GTF2IRD2: variants seen among roughly 807,000 people sequenced by gnomAD.
The protein encoded by GTF2IRD2 is GTF2I repeat domain containing 2.
In GTF2IRD2, 8 loss-of-function variants were observed where a neutral mutation model predicts 49.2. The ratio of observed to expected loss-of-function variants is 0.16; its 90% CI spans 0.10 to 0.29. GTF2IRD2 has a LOEUF of 0.29. Among genes scored for constraint, GTF2IRD2 ranks in the 10% least tolerant of loss-of-function variants. The pLI, the probability that GTF2IRD2 is intolerant of heterozygous loss-of-function variation, is 1.00. For synonymous variants in GTF2IRD2, 47 were observed against 289.7 expected, an observed-to-expected ratio of 0.16 and a Z score of 8.51; for missense variants, 130 against 725.7, an observed-to-expected ratio of 0.18 and a Z score of 9.43.
At chr7:74,824,224 T>C (rs1799175984) in intron 4 of GTF2IRD2, among the ~76,000 whole-genome samples, 2 of 118,572 alleles carry the variant, frequency 1.7e-5, no homozygotes, top group South Asian at 6.0e-4. Flanking sequence ...ATCTCAGCAT[T>C]TTGGGAGGTC....
At chr7:74,819,891 G>GT (rs1256464697) in intron 7 of GTF2IRD2, 78 bp downstream of exon 7, 1 of 1,507,738 alleles carries the variant, frequency 6.6e-7, no homozygotes, top group Non-Finnish European at 9.2e-7. Flanking sequence ...CTTAAATGCT[G>GT]TAAGGAGGCC....
intron 3 of GTF2IRD2, among the ~76,000 whole-genome samples, chr7:74,825,516 G>A (rs1799296086): frequency 7.6e-6 from 1 of 131,964 alleles, no homozygotes; most frequent in African/African-American, 2.8e-5. Context: ...CAAAGTGTTG[G>A]GATTACAGGT....
chr7:74,819,152 T>C (rs1335778919), intron 8 of GTF2IRD2: 1 of 287,706 alleles, frequency 3.5e-6, no homozygotes, highest in African/African-American at 2.3e-5. Flanking sequence ...CTTGAACTCC[T>C]GAGCTCAGGC....
chr7:74,796,915 T>C lies in GTF2IRD2; in HGVS notation c.2597A>G (p.Gln866Arg). The C allele has an allele frequency of 1.5e-6, 1 of 646,792 alleles. No homozygotes were observed. The highest frequency in any genetic ancestry group is 2.8e-6 in the Non-Finnish European group (1 of 358,150). 40.1% of individuals were successfully genotyped at this position (646,792 alleles called of 1,614,324 possible). A position where few individuals can be genotyped will look rare whatever the true frequency, so the allele number is the denominator to read the frequency against. Residue 866 changes from glutamine (Q) to arginine (R), a missense_variant, in exon 16 of 16, where the codon CAG becomes CGG. Physicochemically the swap from Gln to Arg is conservative, Grantham distance 43. Transcript: ENST00000451013. Reference sequence around the variant, plus strand: ...GCATTGCAGGTCGATAACCTCCATCTGGAGCTCCTCGTGCACACTGTCGAT... The same window carrying C: ...GCATTGCAGGTCGATAACCTCCATCCGGAGCTCCTCGTGCACACTGTCGAT... ...TKIDSVHEEL[Q>R]MEVIDLQCNT...
At chr7:74,815,781 GGAAA>G (rs1238764003) in intron 8 of GTF2IRD2, among the ~76,000 whole-genome samples, 9 of 14,486 alleles carry the variant, frequency 6.2e-4, no homozygotes, top group African/African-American at 2.7e-3. Flanking sequence ...AAAGAAAGAA[GGAAA>G]GAAAGAAAGA....
At chr7:74,826,065 G>C (rs1321882009) in intron 3 of GTF2IRD2, among the ~76,000 whole-genome samples, 4 of 151,840 alleles carry the variant, frequency 2.6e-5, no homozygotes, top group South Asian at 2.1e-4. Context: ...GATTACAGGC[G>C]TGAGCCACCA....
intron 1 of GTF2IRD2, among the ~76,000 whole-genome samples, chr7:74,840,674 G>A (rs1410973088): frequency 7.7e-6 from 1 of 129,902 alleles, no homozygotes; most frequent in Non-Finnish European, 1.6e-5. Context: ...CCATCAGGAG[G>A]TGGCATTAAT....
chr7:74,830,619 C>CA (rs1799765391), intron 3 of GTF2IRD2, among the ~76,000 whole-genome samples: 1 of 145,716 alleles, frequency 6.9e-6, no homozygotes, highest in African/African-American at 2.5e-5. Flanking sequence ...AATGCAGGGA[C>CA]AGAAAACCAA....
At chr7:74,842,699 C>G (rs1233365274) in intron 1 of GTF2IRD2, among the ~76,000 whole-genome samples, 1 of 144,652 alleles carries the variant, frequency 6.9e-6, no homozygotes, top group Non-Finnish European at 1.5e-5. Flanking sequence ...GCTAAGATGA[C>G]AGGCATGTGC....
chr7:74,825,593 C>T (rs1554419418), intron 3 of GTF2IRD2, among the ~76,000 whole-genome samples: 4 of 142,302 alleles, frequency 2.8e-5, no homozygotes, highest in East Asian at 2.1e-4. Flanking sequence ...ACAGTTGAAA[C>T]GTGGCAATAA....
intron 15 of GTF2IRD2, among the ~76,000 whole-genome samples, chr7:74,798,527 G>T (rs1797207619): frequency 6.6e-6 from 1 of 151,626 alleles, no homozygotes; most frequent in African/African-American, 2.4e-5. Flanking sequence ...CGTTGTTGTT[G>T]AGACGGAGTT....
rs1798877862 is a variant in GTF2IRD2 at position 74,821,547 on chromosome 7, TA to T, written c.571+879del. ...GCAGTCTCAGCAAGACATCTTCTTTTATTCTTCTTTATTTATTTATTTTTGA... is the reference window on the plus strand; with the variant it reads ...GCAGTCTCAGCAAGACATCTTCTTTTTTCTTCTTTATTTATTTATTTTTGA... On this transcript the variant is annotated intron_variant, in intron 6 of 15. Transcript: ENST00000451013. 2 of 10,812 alleles carry T rather than the reference TA, an allele frequency of 1.8e-4. 1 individual carries two copies. Among genetic ancestry groups the T allele is most frequent in the Non-Finnish European group, 2.6e-4 (2 of 7,682 alleles). 0.7% of individuals were successfully genotyped at this position (10,812 alleles called of 1,614,324 possible).
At chr7:74,831,474 C>T (rs1799849821) in intron 3 of GTF2IRD2, among the ~76,000 whole-genome samples, 1 of 147,202 alleles carries the variant, frequency 6.8e-6, no homozygotes, top group Non-Finnish European at 1.5e-5. Flanking sequence ...ATACCCTCTG[C>T]CAATCCATAG....
rs587717136 is a variant in GTF2IRD2, at chr7:74,810,836, A to G, written c.805+60T>C. ...AAAAAAAGTATGTTCTTTGTAAAAT[A>G]CTATAAACTTCTATAAACTTTTCTT... On this transcript the variant is annotated intron_variant, in intron 10 of 15. Coordinates refer to ENST00000451013, the MANE Select transcript of GTF2IRD2 (RefSeq NM_173537.5). The G allele has an allele frequency of 4.1e-4, 186 of 454,322 alleles. 21 individuals carry two copies. The highest frequency in any genetic ancestry group is 3.3e-3 in the African/African-American group (170 of 51,348). The allele number at this position is 454,322 out of a possible 1,614,324, so 28.1% of individuals were successfully genotyped here. A position where few individuals can be genotyped will look rare whatever the true frequency, so the allele number is the denominator to read the frequency against.
rs1289466714 is a variant in GTF2IRD2 at position 74,841,154 on chromosome 7, T to TTA, written c.-5-4773_-5-4772dup. On this transcript the variant is annotated intron_variant, in intron 1 of 15. Transcript: ENST00000451013. The stretch of plus-strand genomic sequence containing the variant: ...GTGAGCCACCATGCCCAGCCTTATT[T>TTA]TATATATATATATGTATTGGTTTTT... Among the ~76,000 whole-genome samples the TTA allele has an allele frequency of 6.5e-3, 926 of 141,976 alleles. 60 individuals are homozygous for TTA. Among genetic ancestry groups the TTA allele is most frequent in the Non-Finnish European group, 8.8e-3 (585 of 66,336 alleles). 93.1% of individuals were successfully genotyped at this position (141,976 alleles called of 152,430 possible).
chr7:74,819,824 C>CA, intron 7 of GTF2IRD2, 145 bp downstream of exon 7: 5 of 917,942 alleles, frequency 5.4e-6, no homozygotes, highest in Non-Finnish European at 8.5e-6. Flanking sequence ...TCCTTTTGGA[C>CA]AAAGAATAGG....
chr7:74,830,559 T>A (rs1554420278), intron 3 of GTF2IRD2, among the ~76,000 whole-genome samples: 1 of 146,044 alleles, frequency 6.8e-6, no homozygotes, highest in Non-Finnish European at 1.5e-5. Flanking sequence ...AGAAATCATA[T>A]CCTTTGCAGC....
chr7:74,840,042 A>C (rs1205808031), intron 1 of GTF2IRD2, among the ~76,000 whole-genome samples: 1 of 141,358 alleles, frequency 7.1e-6, no homozygotes, highest in East Asian at 2.1e-4. Context: ...CCCAAGGGGC[A>C]CCCCTGGTGA....
chr7:74,833,286 T>C (rs1800014566), intron 2 of GTF2IRD2, among the ~76,000 whole-genome samples: 1 of 113,464 alleles, frequency 8.8e-6, no homozygotes, highest in Non-Finnish European at 1.8e-5. Context: ...TTTCACCGTG[T>C]TAGCCAGGAT....
Sources: allele counts gnomAD v4.1 joint callset (sites outside exome capture counted in the v4.1 genomes callset), GRCh38; gene constraint gnomAD v4.1.1; transcripts MANE v1.5; gene names NCBI Gene and HGNC (gene_info 2026-07-23, HGNC 2026-07-21).